The following PCDHGB2 variants were observed in gnomAD, a reference collection of about 807,000 sequenced individuals.
The protein encoded by PCDHGB2 is protocadherin gamma-B2.
In PCDHGB2, 55 loss-of-function variants were observed where a neutral mutation model predicts 59.3. That is an observed-to-expected ratio of 0.93 (90% CI 0.75 to 1.16). The LOEUF is 1.16. Ranked by LOEUF, PCDHGB2 falls within the 50% of genes most tolerant of loss-of-function variation. The probability of loss-of-function intolerance (pLI) is 0.00; values close to 1 mark genes in which losing one functional copy is unlikely to be tolerated. For missense variants in PCDHGB2, 1,228 were observed against 1,198.5 expected, an observed-to-expected ratio of 1.02 and a Z score of -0.36; for synonymous variants, 516 against 512.0, an observed-to-expected ratio of 1.01 and a Z score of -0.11.
chr5:141,492,548 C>T (rs1028674110), intron 1 of PCDHGB2, among the ~76,000 whole-genome samples: 5 of 152,218 alleles, frequency 3.3e-5, no homozygotes, highest in African/African-American at 9.6e-5. Flanking sequence ...TGGGCCGGGT[C>T]GCCTGGGGGG....
Position 141,476,556 on chromosome 5 carries a change from C to A in PCDHGB2, c.2422-18251C>A. 1 of 1,614,234 alleles carries A rather than the reference C, an allele frequency of 6.2e-7. No homozygotes were observed. Among genetic ancestry groups the A allele is most frequent in the Non-Finnish European group, 8.5e-7 (1 of 1,180,036 alleles). ...GAAATGAAATTGGAGATTAGCGAGG[C>A]CGTGGCTCCGGGGACGCGCTTTCCG... On this transcript the variant is annotated intron_variant, in intron 1 of 3. Coordinates refer to ENST00000522605, the MANE Select transcript of PCDHGB2 (RefSeq NM_018923.3). The surrounding 1 kb of genome is among the most constrained non-coding windows in gnomAD (Gnocchi z 7.6).
intron 2 of PCDHGB2, among the ~76,000 whole-genome samples, chr5:141,499,796 C>T (rs2099794539): frequency 6.6e-6 from 1 of 150,412 alleles, no homozygotes; most frequent in South Asian, 2.1e-4. Context: ...AAGCAATTCT[C>T]ATGCTTCAGC....
chr5:141,404,909 C>CCT, intron 1 of PCDHGB2: 1 of 1,613,916 alleles, frequency 6.2e-7, no homozygotes, highest in Non-Finnish European at 8.5e-7. Context: ...TGGCCAGCCC[C>CCT]CTCTCTCGGC....
chr5:141,363,913 T>C (rs2149851693), intron 1 of PCDHGB2, among the ~76,000 whole-genome samples: 1 of 152,252 alleles, frequency 6.6e-6, no homozygotes, highest in East Asian at 1.9e-4. Context: ...AAATAAAATT[T>C]TTGTAAGGTA....
chr5:141,456,536 G>A (rs1231730255), intron 1 of PCDHGB2, among the ~76,000 whole-genome samples: 1 of 152,158 alleles, frequency 6.6e-6, no homozygotes, highest in Non-Finnish European at 1.5e-5. Flanking sequence ...AATTAAAGAG[G>A]GATTGTAGCC....
chr5:141,394,463 G>A (rs1244366845), intron 1 of PCDHGB2: 2 of 1,614,248 alleles, frequency 1.2e-6, no homozygotes, highest in South Asian at 2.2e-5. Flanking sequence ...CACTGAGCCT[G>A]TTCGTGCTGG....
At chr5:141,371,133 T>A in intron 1 of PCDHGB2, 2 of 1,614,000 alleles carry the variant, frequency 1.2e-6, no homozygotes, top group Non-Finnish European at 1.7e-6. Context: ...TCAGGACATG[T>A]ACAGGGTCAA....
chr5:141,366,571 G>A (rs1764656817), intron 1 of PCDHGB2: 4 of 1,614,112 alleles, frequency 2.5e-6, no homozygotes, highest in South Asian at 2.2e-5. Flanking sequence ...ATGGGGTTCG[G>A]GCTTTCCTGC....
intron 1 of PCDHGB2, among the ~76,000 whole-genome samples, chr5:141,465,041 C>T (rs2099095802): frequency 6.6e-6 from 1 of 151,856 alleles, no homozygotes; most frequent in Non-Finnish European, 1.5e-5. Flanking sequence ...CACAAATGAC[C>T]CTATATATTT....
At chr5:141,455,449 G>A (rs1421095381) in intron 1 of PCDHGB2, among the ~76,000 whole-genome samples, 1 of 152,126 alleles carries the variant, frequency 6.6e-6, no homozygotes, top group Non-Finnish European at 1.5e-5. Flanking sequence ...CATCTACCGC[G>A]GATACCAGCC....
chr5:141,467,710 G>A (rs1284029664), intron 1 of PCDHGB2, among the ~76,000 whole-genome samples: 1 of 152,122 alleles, frequency 6.6e-6, no homozygotes, highest in Non-Finnish European at 1.5e-5. Context: ...TGCCCAGGCT[G>A]GAGTGTAGTG....
chr5:141,446,633 C>T (rs2098509543), intron 1 of PCDHGB2, among the ~76,000 whole-genome samples: 4 of 152,208 alleles, frequency 2.6e-5, no homozygotes, highest in East Asian at 1.9e-4. Flanking sequence ...TGCACCACCA[C>T]GCCTGGCTAA....
Position 141,448,073 on chromosome 5 carries a change from C to T in PCDHGB2, c.2422-46734C>T, listed in dbSNP as rs1025112556. ...TGCTCTCCAGCCTGGGCAACATGAA[C>T]GAAATGCCATCTTAAAAAAAAAAAA... On this transcript the variant is annotated intron_variant, in intron 1 of 3. Coordinates refer to ENST00000522605, the MANE Select transcript of PCDHGB2 (RefSeq NM_018923.3). 3.3e-5 allele frequency among the ~76,000 whole-genome samples: 5 copies of T among 151,432 alleles called. No individual in the cohort carries two copies. In the East Asian group the frequency reaches 5.8e-4, roughly 18 times the overall value.
chr5:141,431,393 C>T lies in PCDHGB2; in HGVS notation c.2422-63414C>T, dbSNP rs1485575362. 5 of 1,613,884 alleles carry T rather than the reference C, an allele frequency of 3.1e-6. No individual in the cohort carries two copies. Among genetic ancestry groups the T allele is most frequent in the Non-Finnish European group, 4.2e-6 (5 of 1,180,048 alleles). On this transcript the variant is annotated intron_variant, in intron 1 of 3. Coordinates refer to ENST00000522605, the MANE Select transcript of PCDHGB2 (RefSeq NM_018923.3). The surrounding 1 kb of genome is among the most constrained non-coding windows in gnomAD (Gnocchi z 4.8). ...AGAAAAGGCTGCTCACCACCTGGTC[C>T]TTACGGCCTCCGACGGGGGCGACCC...
chr5:141,510,833 C>G, intron 3 of PCDHGB2, 114 bp from the exon 4 acceptor site: 2 of 1,577,796 alleles, frequency 1.3e-6, no homozygotes, highest in Admixed American at 1.7e-5. Context: ...CAGTGCTCAG[C>G]GTGGTCAAGG....
chr5:141,476,507 A>G lies in PCDHGB2; in HGVS notation c.2422-18300A>G. 1 of 1,614,102 alleles carries G rather than the reference A, an allele frequency of 6.2e-7. No individual in the cohort carries two copies. The highest frequency in any genetic ancestry group is 8.5e-7 in the Non-Finnish European group (1 of 1,180,008). On this transcript the variant is annotated intron_variant, in intron 1 of 3. Transcript: ENST00000522605. This position sits in a 1 kb window ranked among gnomAD's most constrained non-coding sequence, Gnocchi z 7.6. Reference sequence around the variant, plus strand: ...AGTGGTGATCCAGGACATCAACGACAACAATCCTGCTTTCCCTACCCAGGA... The same window carrying G: ...AGTGGTGATCCAGGACATCAACGACGACAATCCTGCTTTCCCTACCCAGGA...
intron 2 of PCDHGB2, among the ~76,000 whole-genome samples, 199 bp downstream of exon 2, chr5:141,495,064 C>T (rs563712352): frequency 6.6e-6 from 1 of 152,296 alleles, no homozygotes; most frequent in South Asian, 2.1e-4. Context: ...GTTCAGGAAG[C>T]TCAATTCACA....
chr5:141,427,914 A>G (rs757621783), intron 1 of PCDHGB2: 123 of 1,576,802 alleles, frequency 7.8e-5, no homozygotes, highest in Non-Finnish European at 7.6e-5. Context: ...CAGCGCCAAC[A>G]TGAGCCGGCG....
chr5:141,388,314 G>A (rs752079289), intron 1 of PCDHGB2: 4 of 1,613,824 alleles, frequency 2.5e-6, no homozygotes, highest in South Asian at 1.1e-5. Context: ...GCAAATAAGT[G>A]AGTCTGCACA....
Sources: allele counts gnomAD v4.1 joint callset (sites outside exome capture counted in the v4.1 genomes callset), GRCh38; gene constraint gnomAD v4.1.1; non-coding constraint Gnocchi (gnomAD v3.1); transcripts MANE v1.5; gene names NCBI Gene and HGNC (gene_info 2026-07-23, HGNC 2026-07-21).